CCSER1: variants seen among roughly 807,000 people sequenced by gnomAD.
CCSER1 encodes the protein serine-rich coiled-coil domain-containing protein 1.
Under a neutral mutation model 82.0 loss-of-function variants are expected in CCSER1, and 41 were observed. That is an observed-to-expected ratio of 0.50 (90% CI 0.39 to 0.65). The LOEUF (loss-of-function observed/expected upper bound fraction) is 0.65. Among genes scored for constraint, CCSER1 ranks in the 30% least tolerant of loss-of-function variants. The probability of loss-of-function intolerance (pLI) is 0.00; values close to 1 mark genes in which losing one functional copy is unlikely to be tolerated. For synonymous variants in CCSER1, 414 were observed against 383.9 expected (o/e 1.08, Z -0.92); for missense variants, 1,119 against 1,064.2 (o/e 1.05, Z -0.72).
At chr4:90,465,995 C>T (rs1763583690) in intron 4 of CCSER1, among the ~76,000 whole-genome samples, 1 of 152,056 alleles carries the variant, frequency 6.6e-6, no homozygotes, top group Non-Finnish European at 1.5e-5. Context: ...ATTGAAGTAA[C>T]AATGCCATAC....
At chr4:90,450,413 G>A (rs6844373) in intron 4 of CCSER1, among the ~76,000 whole-genome samples, 11,720 of 152,130 alleles carry the variant, frequency 0.077, 607 homozygotes, top group African/African-American at 0.14. Context: ...AGAAATAACT[G>A]TTTAGGGCTG....
intron 10 of CCSER1, among the ~76,000 whole-genome samples, chr4:91,439,373 A>G (rs12644552): frequency 0.81 from 122,509 of 151,766 alleles, 49,682 homozygotes; most frequent in East Asian, 0.92. Context: ...TTCATATCCA[A>G]CCAAACTAAG....
chr4:91,104,664 A>T (rs997734409), intron 10 of CCSER1, among the ~76,000 whole-genome samples: 14 of 152,194 alleles, frequency 9.2e-5, no homozygotes, highest in African/African-American at 3.4e-4. Flanking sequence ...TGACTTTAAC[A>T]GCATCATTTT....
chr4:91,232,677 A>G (rs1738711906), intron 10 of CCSER1, among the ~76,000 whole-genome samples: 1 of 151,804 alleles, frequency 6.6e-6, no homozygotes, highest in Non-Finnish European at 1.5e-5. Context: ...ATCTGTATTT[A>G]TATTGAATTA....
chr4:91,271,733 TACAC>T (rs1203256756), intron 10 of CCSER1, among the ~76,000 whole-genome samples: 1 of 152,074 alleles, frequency 6.6e-6, no homozygotes, highest in African/African-American at 2.4e-5. Flanking sequence ...ATACATATGA[TACAC>T]ATATATATAT....
intron 5 of CCSER1, among the ~76,000 whole-genome samples, chr4:90,516,038 T>A (rs1485981149): frequency 6.6e-6 from 1 of 152,198 alleles, no homozygotes; most frequent in Non-Finnish European, 1.5e-5. Flanking sequence ...AACAGAAATA[T>A]AATTTGCACG....
intron 10 of CCSER1, among the ~76,000 whole-genome samples, chr4:91,486,659 A>G (rs1351526337): frequency 1.3e-5 from 2 of 152,148 alleles, no homozygotes; most frequent in Non-Finnish European, 2.9e-5. Flanking sequence ...AACTATTTAC[A>G]TAGCATTTAC....
intron 10 of CCSER1, among the ~76,000 whole-genome samples, chr4:91,143,678 T>C (rs898247473): frequency 6.6e-6 from 1 of 152,084 alleles, no homozygotes; most frequent in African/African-American, 2.4e-5. Context: ...ATTTTTTTAA[T>C]CATGAAGTGG....
intron 10 of CCSER1, among the ~76,000 whole-genome samples, chr4:91,209,377 G>A (rs1385499553): frequency 2.0e-5 from 3 of 151,710 alleles, no homozygotes; most frequent in African/African-American, 7.3e-5. Context: ...TTATTTTGAG[G>A]TATGTTCCTT....
intron 10 of CCSER1, among the ~76,000 whole-genome samples, chr4:91,577,532 T>C (rs531073328): frequency 2.0e-4 from 31 of 152,052 alleles, no homozygotes; most frequent in Non-Finnish European, 3.4e-4. Flanking sequence ...AGGAAGCAAA[T>C]TAATTACAAT....
intron 1 of CCSER1, among the ~76,000 whole-genome samples, chr4:90,234,167 T>G (rs901703203): frequency 5.3e-5 from 8 of 151,994 alleles, no homozygotes; most frequent in Non-Finnish European, 8.8e-5. Flanking sequence ...TTGCTGAAAT[T>G]TAACATTTAT....
At chr4:91,550,434 T>C (rs1196786127) in intron 10 of CCSER1, among the ~76,000 whole-genome samples, 1 of 152,196 alleles carries the variant, frequency 6.6e-6, no homozygotes, top group East Asian at 1.9e-4. Context: ...GTTTCTGCTC[T>C]GATAAGTTGT....
intron 1 of CCSER1, among the ~76,000 whole-genome samples, chr4:90,234,720 A>G (rs938566775): frequency 2.6e-5 from 4 of 152,142 alleles, no homozygotes; most frequent in East Asian, 1.9e-4. Flanking sequence ...CATTATCACA[A>G]TCATATTAGA....
chr4:91,475,792 C>A (rs768254001), intron 10 of CCSER1, among the ~76,000 whole-genome samples: 2 of 151,812 alleles, frequency 1.3e-5, no homozygotes, highest in Non-Finnish European at 3.0e-5. Flanking sequence ...AACATCTCCT[C>A]CTTCCCTGCT....
chr4:90,591,737 A>G (rs759930822), intron 5 of CCSER1, among the ~76,000 whole-genome samples: 1 of 152,238 alleles, frequency 6.6e-6, no homozygotes, highest in Non-Finnish European at 1.5e-5. Flanking sequence ...ATGAACGTGT[A>G]TGTTTATTGG....
intron 10 of CCSER1, among the ~76,000 whole-genome samples, chr4:91,358,817 G>C (rs181903950): frequency 6.6e-6 from 1 of 152,056 alleles, no homozygotes; most frequent in Non-Finnish European, 1.5e-5. Flanking sequence ...TTTCCTACCC[G>C]GGAGCGCTCT....
At chr4:90,245,378 C>A (rs2153437042) in intron 1 of CCSER1, among the ~76,000 whole-genome samples, 1 of 152,170 alleles carries the variant, frequency 6.6e-6, no homozygotes, top group East Asian at 1.9e-4. Flanking sequence ...TTAGTGTCCT[C>A]AGCTGAAACA....
chr4:90,691,639 A>G (rs573180718), intron 6 of CCSER1, among the ~76,000 whole-genome samples: 4 of 151,864 alleles, frequency 2.6e-5, no homozygotes, highest in South Asian at 2.1e-4. Flanking sequence ...TATATATATC[A>G]CATGTATATA....
intron 10 of CCSER1, among the ~76,000 whole-genome samples, chr4:91,329,824 G>T (rs1746821474): frequency 6.6e-6 from 1 of 151,874 alleles, no homozygotes; most frequent in Admixed American, 6.6e-5. Flanking sequence ...CTCCTTGCTA[G>T]AGTTATAATC....
Sources: allele counts gnomAD v4.1 joint callset (sites outside exome capture counted in the v4.1 genomes callset), GRCh38; gene constraint gnomAD v4.1.1; transcripts MANE v1.5; gene names NCBI Gene and HGNC (gene_info 2026-07-23, HGNC 2026-07-21).